The following ITGA9 variants were observed in gnomAD, a reference collection of about 807,000 sequenced individuals.
ITGA9 encodes the protein integrin subunit alpha 9.
A neutral mutation model predicts 127.8 loss-of-function variants in ITGA9; 56 were observed. The observed-to-expected ratio is 0.44, with a 90% CI of 0.35 to 0.55. The LOEUF is 0.55. ITGA9 is among the 20% of genes least tolerant of loss of function. The probability of loss-of-function intolerance (pLI) is 0.00; values close to 1 mark genes in which losing one functional copy is unlikely to be tolerated. For synonymous variants in ITGA9, 508 were observed against 514.5 expected (o/e 0.99, Z 0.17); for missense variants, 1,196 against 1,347.1 (o/e 0.89, Z 1.76).
intron 18 of ITGA9, among the ~76,000 whole-genome samples, chr3:37,726,010 G>A (rs1026341632): frequency 6.6e-6 from 1 of 152,212 alleles, no homozygotes; most frequent in Admixed American, 6.5e-5. Context: ...GAATACGACT[G>A]TTCTGGTAAG....
At chr3:37,791,820 C>T (rs771835913) in intron 26 of ITGA9, among the ~76,000 whole-genome samples, 10 of 152,178 alleles carry the variant, frequency 6.6e-5, no homozygotes, top group South Asian at 2.1e-4. Context: ...CATCTTTCAA[C>T]ATGGCAAGCA....
chr3:37,567,991 CA>C (rs1699564264), intron 15 of ITGA9, among the ~76,000 whole-genome samples: 1 of 152,234 alleles, frequency 6.6e-6, no homozygotes, highest in African/African-American at 2.4e-5. Context: ...AGTGCCCCAG[CA>C]GGAGTTCTGT....
chr3:37,715,407 G>A (rs1235948830), intron 18 of ITGA9, among the ~76,000 whole-genome samples: 6 of 152,150 alleles, frequency 3.9e-5, no homozygotes, highest in Admixed American at 3.9e-4. Flanking sequence ...ATTGTGCAAT[G>A]ACAATTTGAG....
chr3:37,704,824 C>T (rs940731172), intron 18 of ITGA9, among the ~76,000 whole-genome samples: 2 of 152,180 alleles, frequency 1.3e-5, no homozygotes, highest in East Asian at 3.8e-4. Flanking sequence ...TCCTAGTGTG[C>T]AGAGTACAAT....
At chr3:37,519,447 A>G (rs1699022769) in intron 11 of ITGA9, 93 bp downstream of exon 11, 2 of 1,006,628 alleles carry the variant, frequency 2.0e-6, no homozygotes, top group Non-Finnish European at 3.1e-6. Flanking sequence ...CTGGAGGTAC[A>G]AAGAAAAACA....
intron 5 of ITGA9, among the ~76,000 whole-genome samples, chr3:37,495,786 C>T (rs1321814959): frequency 6.6e-6 from 1 of 152,208 alleles, no homozygotes; most frequent in Non-Finnish European, 1.5e-5. Flanking sequence ...GCACCCATCA[C>T]CATGGGCTAG....
intron 15 of ITGA9, among the ~76,000 whole-genome samples, chr3:37,555,907 A>G (rs1338336042): frequency 6.6e-6 from 1 of 152,222 alleles, no homozygotes; most frequent in Non-Finnish European, 1.5e-5. Context: ...TTCTGTTTTC[A>G]GTGGCATAGA....
chr3:37,793,223 C>G (rs1697132504), intron 26 of ITGA9, among the ~76,000 whole-genome samples: 1 of 151,946 alleles, frequency 6.6e-6, no homozygotes, highest in Non-Finnish European at 1.5e-5. Context: ...TTCCATACCC[C>G]CTCACTGGAC....
intron 23 of ITGA9, among the ~76,000 whole-genome samples, chr3:37,768,434 G>A (rs918003090): frequency 2.6e-4 from 40 of 152,252 alleles, no homozygotes; most frequent in Middle Eastern, 3.4e-3. Context: ...CGCCTGTGCC[G>A]GAATAGGGGC....
chr3:37,698,290 T>C (rs1308762016), intron 18 of ITGA9, among the ~76,000 whole-genome samples: 6 of 152,228 alleles, frequency 3.9e-5, no homozygotes, highest in Non-Finnish European at 8.8e-5. Context: ...GTAGGTTGCC[T>C]GTTCACTCTG....
chr3:37,782,756 C>T (rs1036480755), intron 25 of ITGA9, among the ~76,000 whole-genome samples: 3 of 152,214 alleles, frequency 2.0e-5, no homozygotes, highest in Non-Finnish European at 4.4e-5. Flanking sequence ...TCCTTTTGAC[C>T]TCAAGATCTG....
At chr3:37,639,477 T>C (rs897548510) in intron 16 of ITGA9, among the ~76,000 whole-genome samples, 4 of 152,066 alleles carry the variant, frequency 2.6e-5, no homozygotes. Context: ...CCTCAGGGAA[T>C]GGAGGGGCTG....
intron 23 of ITGA9, among the ~76,000 whole-genome samples, chr3:37,770,768 T>C (rs781510783): frequency 6.6e-6 from 1 of 152,176 alleles, no homozygotes; most frequent in African/African-American, 2.4e-5. Flanking sequence ...CCTGGCACCG[T>C]GGTGGCTTCT....
chr3:37,468,761 T>C lies in ITGA9; in HGVS notation c.186-2246T>C, dbSNP rs145495613. Among the ~76,000 whole-genome samples the C allele has an allele frequency of 4.4e-3, 671 of 152,328 alleles. 1 individual carries two copies. The highest frequency in any genetic ancestry group is 0.016 in the African/African-American group (646 of 41,558). ...TTTTCCACAAATACATAATATGTAA[T>C]GCACTCTATTCCAAGGCATGTGGGA... On this transcript the variant is annotated intron_variant, in intron 1 of 27. Coordinates refer to ENST00000264741, the MANE Select transcript of ITGA9 (RefSeq NM_002207.3).
At position 37,525,238 on chromosome 3, in the gene ITGA9, G is replaced by A. The variant is rs186778416; in HGVS notation, c.1328-788G>A. ...AATAAACATTACCAGTTAAACCAGG[G>A]TCTTGGTTTATAGCTTACCAAGTAT... On this transcript the variant is annotated intron_variant, in intron 12 of 27. Coordinates refer to ENST00000264741, the MANE Select transcript of ITGA9 (RefSeq NM_002207.3). Among the ~76,000 whole-genome samples, 648 of 152,166 alleles carry A rather than the reference G, an allele frequency of 4.3e-3. 2 individuals are homozygous for A. Among genetic ancestry groups the A allele is most frequent in the Admixed American group, 0.011 (165 of 15,286 alleles).
chr3:37,519,137 T>C, intron 10 of ITGA9, 123 bp from the exon 11 acceptor site: 1 of 759,790 alleles, frequency 1.3e-6, no homozygotes, highest in Non-Finnish European at 2.3e-6. Context: ...AATTAATGCT[T>C]GAACAATCAA....
At chr3:37,542,281 G>C in intron 14 of ITGA9, 144 bp from the exon 15 acceptor site, 1 of 852,512 alleles carries the variant, frequency 1.2e-6, no homozygotes, top group South Asian at 1.4e-5. Flanking sequence ...TTCTGAGCAA[G>C]TCTCTGCTTG....
intron 18 of ITGA9, among the ~76,000 whole-genome samples, chr3:37,717,884 G>T (rs1575206739): frequency 1.3e-5 from 2 of 152,308 alleles, no homozygotes; most frequent in African/African-American, 4.8e-5. Context: ...TTAGTTGAAA[G>T]GTAAAACAAT....
intron 13 of ITGA9, among the ~76,000 whole-genome samples, chr3:37,528,666 T>C (rs557005390): frequency 3.9e-4 from 59 of 152,338 alleles, no homozygotes; most frequent in African/African-American, 1.4e-3. Context: ...TGCAAGTGAA[T>C]AATAATGCAA....
Sources: gnomAD v4.1 joint callset for allele counts (sites outside exome capture counted in the v4.1 genomes callset) on GRCh38, gnomAD v4.1.1 for gene constraint, MANE v1.5 for transcripts, NCBI Gene and HGNC (gene_info 2026-07-23, HGNC 2026-07-21) for gene names.